Variants in STAC observed in about 807,000 individuals in gnomAD.
The protein encoded by STAC is SH3 and cysteine-rich domain-containing protein.
In STAC, 43 loss-of-function variants were observed where a neutral mutation model predicts 48.8. That is an observed-to-expected ratio of 0.88 (90% CI 0.69 to 1.14). The LOEUF is 1.14. Ranked by LOEUF, STAC falls within the 50% of genes most tolerant of loss-of-function variation. The pLI, the probability that STAC is intolerant of heterozygous loss-of-function variation, is 0.00. For synonymous variants in STAC, 193 were observed against 179.5 expected (o/e 1.07, Z -0.60); for missense variants, 497 against 504.0 (o/e 0.99, Z 0.13).
At chr3:36,462,318 TA>T (rs1697041273) in intron 2 of STAC, among the ~76,000 whole-genome samples, 11 of 152,274 alleles carry the variant, frequency 7.2e-5, no homozygotes, top group Admixed American at 6.5e-4. Context: ...TTAGTCACGT[TA>T]AAATTGAAAT....
chr3:36,534,255 G>A (rs1699143175), intron 10 of STAC, among the ~76,000 whole-genome samples: 1 of 152,130 alleles, frequency 6.6e-6, no homozygotes, highest in Non-Finnish European at 1.5e-5. Context: ...CTTGATGTGA[G>A]AGTTAAATGT....
chr3:36,510,865 G>A (rs1202869021), intron 8 of STAC, among the ~76,000 whole-genome samples: 2 of 151,938 alleles, frequency 1.3e-5, no homozygotes, highest in African/African-American at 4.8e-5. Flanking sequence ...TAGATGACGG[G>A]TTGATGGATG....
chr3:36,484,070 A>C (rs1697732889), intron 3 of STAC, among the ~76,000 whole-genome samples: 3 of 152,236 alleles, frequency 2.0e-5, no homozygotes, highest in Non-Finnish European at 4.4e-5. Flanking sequence ...CAGGACATCA[A>C]CAGCTGTCTT....
intron 1 of STAC, among the ~76,000 whole-genome samples, chr3:36,418,763 T>G (rs1423063808): frequency 6.6e-6 from 1 of 152,114 alleles, no homozygotes; most frequent in Non-Finnish European, 1.5e-5. Flanking sequence ...AATATTTATC[T>G]TTGACCTGAT....
chr3:36,449,299 GAC>G (rs1696615977), intron 2 of STAC, among the ~76,000 whole-genome samples: 1 of 152,096 alleles, frequency 6.6e-6, no homozygotes, highest in East Asian at 1.9e-4. Context: ...GAGGCAGTGG[GAC>G]GAATGGATTG....
chr3:36,526,852 A>G (rs967115416), intron 8 of STAC, among the ~76,000 whole-genome samples: 2 of 152,154 alleles, frequency 1.3e-5, no homozygotes, highest in Admixed American at 1.3e-4. Flanking sequence ...AAAAAGGAAA[A>G]GGCAGCTCTA....
chr3:36,408,890 G>A (rs1422725213), intron 1 of STAC, among the ~76,000 whole-genome samples: 2 of 152,156 alleles, frequency 1.3e-5, no homozygotes, highest in African/African-American at 4.8e-5. Context: ...ACCTCCAGTT[G>A]TAAACACCTA....
chr3:36,419,687 A>G (rs1456863657), intron 1 of STAC, among the ~76,000 whole-genome samples: 3 of 152,016 alleles, frequency 2.0e-5, no homozygotes, highest in African/African-American at 7.2e-5. Context: ...GTTTATAACA[A>G]AAGTCTGTTC....
At chr3:36,545,666 G>A (rs1699428335) in intron 10 of STAC, among the ~76,000 whole-genome samples, 1 of 152,186 alleles carries the variant, frequency 6.6e-6, no homozygotes, top group Non-Finnish European at 1.5e-5. Flanking sequence ...TAGCATAGGT[G>A]GCCTTACTTT....
rs1375934369 is a variant in STAC, at chr3:36,380,657, G to C, written c.14G>C (p.Ser5Thr). The change falls in exon 1 of 11, where the codon AGC (serine) becomes ACC (threonine). Residue 5 changes from serine to threonine, a missense_variant. Transcript: ENST00000273183. MIPP[S>T]SPREDGVDGL... ...CGCGCGGCCACGATGATCCCTCCGA[G>C]CAGCCCCCGCGAGGACGGCGTGGAC... The C allele has an allele frequency of 6.3e-7, 1 of 1,595,970 alleles. No individual in the cohort carries two copies. The highest frequency in any genetic ancestry group is 1.3e-5 in the African/African-American group (1 of 74,618).
chr3:36,458,998 G>A (rs986991196), intron 2 of STAC, among the ~76,000 whole-genome samples: 5 of 152,100 alleles, frequency 3.3e-5, no homozygotes, highest in Non-Finnish European at 5.9e-5. Flanking sequence ...TACACTTTTA[G>A]TTGCAAGGCT....
At chr3:36,398,376 G>GAAAAGAAAAGAA (rs375266534) in intron 1 of STAC, among the ~76,000 whole-genome samples, 2 of 135,910 alleles carry the variant, frequency 1.5e-5, no homozygotes, top group African/African-American at 5.4e-5. Flanking sequence ...AGAAAAGAAA[G>GAAAAGAAAAGAA]AGAGAAAGAA....
chr3:36,411,810 T>G (rs1250386430), intron 1 of STAC, among the ~76,000 whole-genome samples: 3 of 152,198 alleles, frequency 2.0e-5, no homozygotes, highest in Admixed American at 6.5e-5. Context: ...GAAACCTAAA[T>G]TCCTGACTCC....
intron 2 of STAC, among the ~76,000 whole-genome samples, chr3:36,460,816 C>T (rs1364559338): frequency 6.6e-6 from 1 of 152,150 alleles, no homozygotes; most frequent in Non-Finnish European, 1.5e-5. Flanking sequence ...AATGCAATCC[C>T]TATCAAAATT....
At chr3:36,529,076 G>C in intron 10 of STAC, 91 bp downstream of exon 10, 1 of 1,248,190 alleles carries the variant, frequency 8.0e-7, no homozygotes, top group Non-Finnish European at 1.1e-6. Context: ...TGAATGAGTG[G>C]GGTCACATTC....
At chr3:36,481,380 T>C (rs1697642653) in intron 2 of STAC, among the ~76,000 whole-genome samples, 1 of 152,118 alleles carries the variant, frequency 6.6e-6, no homozygotes, top group Admixed American at 6.5e-5. Context: ...TTTTAAAACA[T>C]TACCCCACCA....
At chr3:36,425,265 C>T (rs1700537391) in intron 1 of STAC, among the ~76,000 whole-genome samples, 2 of 152,090 alleles carry the variant, frequency 1.3e-5, no homozygotes, top group South Asian at 2.1e-4. Context: ...ATATGATGAA[C>T]CAAGAAGAGC....
chr3:36,542,315 G>A (rs1184524025), intron 10 of STAC, among the ~76,000 whole-genome samples: 1 of 152,146 alleles, frequency 6.6e-6, no homozygotes, highest in Non-Finnish European at 1.5e-5. Flanking sequence ...GATGACTTTA[G>A]TGGTTTGCTT....
chr3:36,492,031 A>AAAAAAAAAAAAAAAGATATATATAT (rs1553639882), intron 5 of STAC, among the ~76,000 whole-genome samples: 1 of 16,438 alleles, frequency 6.1e-5, no homozygotes, highest in Non-Finnish European at 1.2e-4. Flanking sequence ...AAAAAAAAAA[A>AAAAAAAAAAAAAAAGATATATATAT]ATATATATAT....
Sources: allele counts gnomAD v4.1 joint callset (sites outside exome capture counted in the v4.1 genomes callset), GRCh38; gene constraint gnomAD v4.1.1; transcripts MANE v1.5; gene names NCBI Gene and HGNC (gene_info 2026-07-23, HGNC 2026-07-21).